PTPRZ1: variants seen among roughly 807,000 people sequenced by gnomAD.
PTPRZ1 encodes the protein protein tyrosine phosphatase receptor type Z1, also known as receptor-type tyrosine-protein phosphatase zeta.
In PTPRZ1, 82 loss-of-function variants were observed where a neutral mutation model predicts 214.1. The observed-to-expected ratio is 0.38, with a 90% confidence interval of 0.32 to 0.46. PTPRZ1 has a LOEUF of 0.46. Among genes scored for constraint, PTPRZ1 ranks in the 20% least tolerant of loss-of-function variants. The pLI is 1.00. For synonymous variants in PTPRZ1, 945 were observed against 987.9 expected (o/e 0.96, Z 0.81); for missense variants, 2,603 against 2,748.7 (o/e 0.95, Z 1.19).
At chr7:121,956,599 C>T (rs560534747) in intron 2 of PTPRZ1, among the ~76,000 whole-genome samples, 10 of 152,306 alleles carry the variant, frequency 6.6e-5, no homozygotes, top group Non-Finnish European at 5.9e-5. Flanking sequence ...TTTTGAGGCA[C>T]GCCATCTCAG....
At chr7:121,873,602 G>A in intron 1 of PTPRZ1, 45 bp downstream of exon 1, 1 of 1,604,316 alleles carries the variant, frequency 6.2e-7, no homozygotes, top group Admixed American at 1.7e-5. Context: ...GGGATCGGTG[G>A]GATGAGGGTG....
intron 2 of PTPRZ1, among the ~76,000 whole-genome samples, chr7:121,955,747 C>G (rs1482351716): frequency 6.6e-6 from 1 of 152,174 alleles, no homozygotes; most frequent in Non-Finnish European, 1.5e-5. Context: ...ACAGTGTCAC[C>G]TTATTTCTGA....
chr7:122,059,033 A>G lies in PTPRZ1; in HGVS notation c.6671+91A>G, dbSNP rs997791933. 7 of 1,246,180 alleles carry G rather than the reference A, an allele frequency of 5.6e-6. No homozygotes were observed. In the East Asian group the frequency reaches 1.0e-4, roughly 18 times the overall value. The allele number at this position is 1,246,180 out of a possible 1,614,324, so 77.2% of individuals were successfully genotyped here. The stretch of plus-strand genomic sequence containing the variant: ...TCTTCAGACAAACCTAATGCTTTGG[A>G]CCCACTGTGATGATTCAGCCATGGT... On this transcript the variant is annotated intron_variant, in intron 28 of 29. Coordinates refer to ENST00000393386, the MANE Select transcript of PTPRZ1 (RefSeq NM_002851.3).
At chr7:121,907,392 C>A (rs2116291771) in intron 1 of PTPRZ1, among the ~76,000 whole-genome samples, 1 of 152,004 alleles carries the variant, frequency 6.6e-6, no homozygotes, top group African/African-American at 2.4e-5. Flanking sequence ...TGTGGTTGAA[C>A]AACTAGGAAC....
At chr7:121,880,410 G>A (rs1178724866) in intron 1 of PTPRZ1, among the ~76,000 whole-genome samples, 1 of 152,062 alleles carries the variant, frequency 6.6e-6, no homozygotes, top group Admixed American at 6.5e-5. Context: ...TCCTGCTCTT[G>A]GAGAAACATT....
In PTPRZ1 at chr7:122,058,783, G is replaced by T; in HGVS notation, c.6529-17G>T. 6.3e-7 allele frequency: 1 copy of T among 1,589,730 alleles called. No individual in the cohort carries two copies. Among genetic ancestry groups the T allele is most frequent in the Non-Finnish European group, 8.6e-7 (1 of 1,162,920 alleles). ...AACTGTCACTAACTAACATTACTTT[G>T]TGTTTTCTTGTTATAGGATGATTAT... On this transcript the variant is annotated splice_polypyrimidine_tract_variant and intron_variant, in intron 27 of 29. Coordinates refer to ENST00000393386, the MANE Select transcript of PTPRZ1 (RefSeq NM_002851.3).
At chr7:122,035,271 A>T (rs1474568680) in intron 17 of PTPRZ1, among the ~76,000 whole-genome samples, 1 of 152,182 alleles carries the variant, frequency 6.6e-6, no homozygotes, top group Non-Finnish European at 1.5e-5. Context: ...TATAGTTTGT[A>T]TAGATGTTGC....
chr7:121,995,643 C>T (rs1798108768), intron 8 of PTPRZ1, among the ~76,000 whole-genome samples: 1 of 151,998 alleles, frequency 6.6e-6, no homozygotes, highest in African/African-American at 2.4e-5. Context: ...CTCTTAATTC[C>T]CTAAAATTAT....
At chr7:122,053,668 T>C (rs1453461565) in intron 25 of PTPRZ1, among the ~76,000 whole-genome samples, 3 of 152,086 alleles carry the variant, frequency 2.0e-5, no homozygotes, top group African/African-American at 7.2e-5. Flanking sequence ...GGGGTCACAG[T>C]TCCTATCTCA....
chr7:122,023,604 TTTATATATAATTATATATA>T (rs1562868518), intron 13 of PTPRZ1, among the ~76,000 whole-genome samples: 1 of 132,582 alleles, frequency 7.5e-6, no homozygotes, highest in Non-Finnish European at 1.6e-5. Flanking sequence ...TATGTATAAT[TTTATATATAATTATATATA>T]TTATATGTAT....
At chr7:121,885,186 CT>C (rs1794362698) in intron 1 of PTPRZ1, among the ~76,000 whole-genome samples, 1 of 152,168 alleles carries the variant, frequency 6.6e-6, no homozygotes, top group Non-Finnish European at 1.5e-5. Flanking sequence ...AAACACTCTT[CT>C]TATATGTTCT....
At chr7:121,973,194 T>G (rs1797310044) in intron 4 of PTPRZ1, among the ~76,000 whole-genome samples, 1 of 152,036 alleles carries the variant, frequency 6.6e-6, no homozygotes, top group Non-Finnish European at 1.5e-5. Flanking sequence ...TTAAAGCCAT[T>G]TAGTCTAAAA....
intron 1 of PTPRZ1, among the ~76,000 whole-genome samples, chr7:121,905,377 A>ACGAGGAGAGTCAT (rs1321979506): frequency 1.3e-5 from 2 of 152,070 alleles, no homozygotes; most frequent in African/African-American, 4.8e-5. Context: ...GACAAAGGAG[A>ACGAGGAGAGTCAT]CGAGGAGAGT....
At position 122,013,266 on chromosome 7, in the gene PTPRZ1, A is replaced by G. The variant is rs773833637; in HGVS notation, c.4220A>G (p.Lys1407Arg). Reference protein sequence around the residue: ...KATSELSHSAKSDAGLVGGGE... With the variant: ...KATSELSHSARSDAGLVGGGE... ...ACTTCTGAGCTGAGTCATAGTGCCA[A>G]ATCTGATGCCGGTTTAGTGGGTGGT... Residue 1407 changes from lysine (K) to arginine (R), a missense_variant, in exon 12 of 30, where the codon AAA (lysine) becomes AGA (arginine). Transcript: ENST00000393386. 8 of 1,614,172 alleles carry G rather than the reference A, an allele frequency of 5.0e-6. No individual in the cohort carries two copies. The highest frequency in any genetic ancestry group is 5.9e-6 in the Non-Finnish European group (7 of 1,180,024).
chr7:122,019,341 C>A (rs1798947193), intron 13 of PTPRZ1, 73 bp downstream of exon 13: 2 of 1,403,992 alleles, frequency 1.4e-6, no homozygotes, highest in South Asian at 1.3e-5. Flanking sequence ...TCTGAAAGGT[C>A]TTCAAAGCAT....
chr7:121,902,170 G>T (rs1199794786), intron 1 of PTPRZ1, among the ~76,000 whole-genome samples: 2 of 152,100 alleles, frequency 1.3e-5, no homozygotes, highest in Non-Finnish European at 2.9e-5. Flanking sequence ...TATCCATGTT[G>T]TCACAATCAC....
intron 1 of PTPRZ1, among the ~76,000 whole-genome samples, chr7:121,893,224 T>A (rs536429559): frequency 6.6e-6 from 1 of 152,288 alleles, no homozygotes; most frequent in Non-Finnish European, 1.5e-5. Flanking sequence ...CTGTATCAGT[T>A]AGAATATAGT....
At chr7:121,927,328 A>G (rs1010432482) in intron 1 of PTPRZ1, among the ~76,000 whole-genome samples, 13 of 152,248 alleles carry the variant, frequency 8.5e-5, no homozygotes, top group Admixed American at 7.9e-4. Flanking sequence ...ATGTTAGTAC[A>G]GTCAGGGATT....
At chr7:121,976,076 T>A (rs1204583616) in intron 4 of PTPRZ1, 97 bp from the exon 5 acceptor site, 3 of 750,576 alleles carry the variant, frequency 4.0e-6, no homozygotes, top group Non-Finnish European at 6.5e-6. Flanking sequence ...ACATGTAATT[T>A]ATAAAAGATT....
Sources: allele counts gnomAD v4.1 joint callset (sites outside exome capture counted in the v4.1 genomes callset), GRCh38; gene constraint gnomAD v4.1.1; transcripts MANE v1.5; gene names NCBI Gene and HGNC (gene_info 2026-07-23, HGNC 2026-07-21).